The following SEC14L1 variants were observed in gnomAD, a reference collection of about 807,000 sequenced individuals.
SEC14L1 encodes the protein SEC14 like lipid binding 1, also known as SEC14-like protein 1.
In SEC14L1, 48 loss-of-function variants were observed where a neutral mutation model predicts 85.3. The observed-to-expected ratio is 0.56, with a 90% CI of 0.45 to 0.72. The LOEUF (loss-of-function observed/expected upper bound fraction) is 0.72, where lower values mean the gene tolerates loss of function less well. SEC14L1 is among the 30% of genes least tolerant of loss of function. SEC14L1 has a pLI of 0.00. For synonymous variants in SEC14L1, 391 were observed against 355.5 expected (o/e 1.10, Z -1.12); for missense variants, 682 against 921.4 (o/e 0.74, Z 3.36).
At chr17:77,101,570 A>T (rs1762271735) in intron 3 of SEC14L1, among the ~76,000 whole-genome samples, 1 of 152,174 alleles carries the variant, frequency 6.6e-6, no homozygotes, top group South Asian at 2.1e-4. Context: ...CTAAGAATAT[A>T]AGTGAATTTG....
intron 3 of SEC14L1, among the ~76,000 whole-genome samples, chr17:77,155,029 G>C (rs1973744037): frequency 6.6e-6 from 1 of 152,142 alleles, no homozygotes; most frequent in Non-Finnish European, 1.5e-5. Context: ...GCAATAATAG[G>C]TGTTTTAATG....
chr17:77,100,565 T>C (rs1971755791), intron 3 of SEC14L1, among the ~76,000 whole-genome samples: 1 of 150,648 alleles, frequency 6.6e-6, no homozygotes, highest in Admixed American at 6.7e-5. Flanking sequence ...GCCTCCAGAG[T>C]AGCTGGGACT....
In SEC14L1 at chr17:77,216,566, A is replaced by T; in HGVS notation, c.*2543A>T. On this transcript the variant is annotated 3_prime_UTR_variant, in exon 17 of 17. Transcript: ENST00000436233. ...TGTCTCAGATGGCGATTTTGCTGACAGCTGCCAAGAAAATGCTTCACTCAA... is the reference window on the plus strand; with the variant it reads ...TGTCTCAGATGGCGATTTTGCTGACTGCTGCCAAGAAAATGCTTCACTCAA... The T allele has an allele frequency of 6.2e-7, 1 of 1,613,314 alleles. No individual in the cohort carries two copies. Among genetic ancestry groups the T allele is most frequent in the Non-Finnish European group, 8.5e-7 (1 of 1,179,452 alleles).
At chr17:77,124,820 A>G (rs1598255765) in intron 3 of SEC14L1, among the ~76,000 whole-genome samples, 1 of 152,098 alleles carries the variant, frequency 6.6e-6, no homozygotes, top group Non-Finnish European at 1.5e-5. Context: ...CCCTTTCAGC[A>G]TGTCGTACAG....
intron 3 of SEC14L1, among the ~76,000 whole-genome samples, chr17:77,165,539 C>T (rs1974245522): frequency 6.6e-6 from 1 of 152,094 alleles, no homozygotes; most frequent in Non-Finnish European, 1.5e-5. Context: ...GAATGGGAGG[C>T]AGATTTGCCT....
At chr17:77,132,258 G>A (rs982683952) in intron 3 of SEC14L1, among the ~76,000 whole-genome samples, 4 of 139,518 alleles carry the variant, frequency 2.9e-5, no homozygotes, top group Non-Finnish European at 6.0e-5. Context: ...GCCGGAGTCT[G>A]GCTCTGTCAC....
chr17:77,192,216 T>C (rs886421529), intron 5 of SEC14L1, among the ~76,000 whole-genome samples: 5 of 152,260 alleles, frequency 3.3e-5, no homozygotes, highest in African/African-American at 1.2e-4. Flanking sequence ...TCTGTCTCAG[T>C]ATCTTCACTG....
intron 13 of SEC14L1, among the ~76,000 whole-genome samples, chr17:77,208,081 G>A (rs1171214743): frequency 6.6e-6 from 1 of 152,182 alleles, no homozygotes; most frequent in East Asian, 1.9e-4. Context: ...CGTTTGGAAT[G>A]TGTACCCACT....
intron 10 of SEC14L1, among the ~76,000 whole-genome samples, chr17:77,204,027 A>C (rs1197823649): frequency 6.6e-6 from 1 of 152,094 alleles, no homozygotes; most frequent in African/African-American, 2.4e-5. Flanking sequence ...GTCTTTCTCC[A>C]GACCCTCCTG....
chr17:77,153,862 T>C (rs1973684436), intron 3 of SEC14L1, among the ~76,000 whole-genome samples: 1 of 152,236 alleles, frequency 6.6e-6, no homozygotes, highest in African/African-American at 2.4e-5. Flanking sequence ...CCATCTCTCT[T>C]GATTTTTGAC....
chr17:77,091,190 C>T (rs962887035), intron 2 of SEC14L1, among the ~76,000 whole-genome samples: 2 of 152,068 alleles, frequency 1.3e-5, no homozygotes, highest in Admixed American at 6.6e-5. Context: ...CAGATTCAAG[C>T]GATTCTCCTG....
chr17:77,204,522 C>CTTTTTTT (rs745921636), intron 10 of SEC14L1, among the ~76,000 whole-genome samples: 1 of 84,728 alleles, frequency 1.2e-5, no homozygotes, highest in Non-Finnish European at 2.4e-5. Flanking sequence ...GCCCAGCCAG[C>CTTTTTTT]TTTTTTTTTT....
chr17:77,213,211 A>T lies in SEC14L1; in HGVS notation c.1864-103A>T. The T allele has an allele frequency of 1.0e-6, 1 of 972,558 alleles. No homozygotes were observed. Among genetic ancestry groups the T allele is most frequent in the Non-Finnish European group, 1.5e-6 (1 of 668,574 alleles). The allele number at this position is 972,558 out of a possible 1,614,324, so 60.2% of individuals were successfully genotyped here. On this transcript the variant is annotated intron_variant, in intron 15 of 16. Transcript: ENST00000436233. The surrounding 1 kb of genome is among the most constrained non-coding windows in gnomAD (Gnocchi z 7.1). Reference sequence around the variant, plus strand: ...TCCCATTGAGATAGTTTCCGTAGCTACATGAAATCCTAAAGACAGTCCCCT... The same window carrying T: ...TCCCATTGAGATAGTTTCCGTAGCTTCATGAAATCCTAAAGACAGTCCCCT...
upstream of SEC14L1, among the ~76,000 whole-genome samples, chr17:77,137,523 C>T (rs1421730575): frequency 6.6e-6 from 1 of 152,190 alleles, no homozygotes. Flanking sequence ...CCAAACGCCT[C>T]CCACCAGGCC....
chr17:77,216,365 G>C lies in SEC14L1; in HGVS notation c.*2342G>C. ...GGTTAGTAGGTAGGGCTAGTAGGTA[G>C]GGCTAGTAGGTAGGGCTAGTAGGTA... is the stretch of plus-strand genomic sequence containing the variant. On this transcript the variant is annotated 3_prime_UTR_variant, in exon 17 of 17. Transcript: ENST00000436233. 7.1e-7 allele frequency: 1 copy of C among 1,408,272 alleles called. No homozygotes were observed. Among genetic ancestry groups the C allele is most frequent in the African/African-American group, 1.5e-5 (1 of 68,942 alleles). 87.2% of individuals were successfully genotyped at this position (1,408,272 alleles called of 1,614,324 possible).
intron 2 of SEC14L1, chr17:77,089,399 C>T (rs759594653): frequency 2.9e-5 from 15 of 518,934 alleles, no homozygotes; most frequent in Non-Finnish European, 5.0e-5. Context: ...AAAGTAAATT[C>T]CCGGAAGAAG....
chr17:77,184,745 C>A (rs12051886), intron 3 of SEC14L1, among the ~76,000 whole-genome samples: 26,764 of 152,228 alleles, frequency 0.18, 2,792 homozygotes, highest in Non-Finnish European at 0.24. Flanking sequence ...GTTTGCTCAT[C>A]ATGAACTGAG....
In SEC14L1 at chr17:77,191,197, A is replaced by G. The variant is rs773981078; in HGVS notation, c.230A>G (p.Tyr77Cys). 1.2e-6 allele frequency: 2 copies of G among 1,612,532 alleles called. No individual in the cohort carries two copies. The highest frequency in any genetic ancestry group is 1.7e-5 in the Admixed American group (1 of 59,938). The change falls in exon 5 of 17, where the codon TAT (tyrosine) becomes TGT (cysteine). Residue 77 changes from tyrosine (Y) to cysteine (C), a missense_variant. Tyr to Cys is a radical substitution (Grantham distance 194). Transcript: ENST00000436233. ...RLLKKIAGVDYVYFVQKNSLN... is the reference protein window; with the variant it reads ...RLLKKIAGVDCVYFVQKNSLN... The stretch of plus-strand genomic sequence containing the variant: ...TTTTTGAAGATTGCAGGAGTTGATT[A>G]TGTTTATTTTGTCCAGAAAAACTCA...
intron 3 of SEC14L1, among the ~76,000 whole-genome samples, chr17:77,133,556 T>A (rs1443271420): frequency 1.3e-5 from 2 of 152,186 alleles, no homozygotes; most frequent in East Asian, 3.8e-4. Flanking sequence ...CAAGGGCACC[T>A]GGTATGTGTA....
Sources: allele counts gnomAD v4.1 joint callset (sites outside exome capture counted in the v4.1 genomes callset), GRCh38; gene constraint gnomAD v4.1.1; non-coding constraint Gnocchi (gnomAD v3.1); transcripts MANE v1.5; gene names NCBI Gene and HGNC (gene_info 2026-07-23, HGNC 2026-07-21).